Variants in CECR2 observed in about 807,000 individuals in gnomAD.
The protein encoded by CECR2 is chromatin remodeling regulator CECR2.
In CECR2, 30 loss-of-function variants were observed where a neutral mutation model predicts 154.5. The ratio of observed to expected loss-of-function variants is 0.19; its 90% CI spans 0.15 to 0.26. The LOEUF (loss-of-function observed/expected upper bound fraction) is 0.26, where lower values mean the gene tolerates loss of function less well. Among genes scored for constraint, CECR2 ranks in the 10% least tolerant of loss-of-function variants. CECR2 has a pLI of 1.00. For synonymous variants in CECR2, 725 were observed against 683.7 expected, an observed-to-expected ratio of 1.06 and a Z score of -0.94; for missense variants, 1,743 against 1,829.3, an observed-to-expected ratio of 0.95 and a Z score of 0.86.
At chr22:17,363,214 TA>T (rs200054950) in intron 1 of CECR2, among the ~76,000 whole-genome samples, 3 of 150,086 alleles carry the variant, frequency 2.0e-5, no homozygotes, top group Non-Finnish European at 4.4e-5. Flanking sequence ...CACACCTGGC[TA>T]ATTTTTTTTT....
rs751805976 is a variant in CECR2, at chr22:17,540,647, G to T, written c.1731G>T (p.Leu577Phe). ...CCATGGAGAATGGAGGAAAGTCGTT[G>T]CCCCCCACACGCCGAGCGCCCTCTT... ...QQPMENGGKSLPPTRRAPSSG... is the reference protein window; with the variant it reads ...QQPMENGGKSFPPTRRAPSSG... Residue 577 changes from leucine (L) to phenylalanine (F), a missense_variant, in exon 14 of 19, where the codon TTG becomes TTT. By Grantham distance (22) the Leu-to-Phe change is conservative (BLOSUM62 0). Coordinates refer to ENST00000262608, the MANE Select transcript of CECR2 (RefSeq NM_001290047.2). 1.9e-6 allele frequency: 3 copies of T among 1,613,874 alleles called. No individual in the cohort carries two copies. The highest frequency in any genetic ancestry group is 3.3e-5 in the Admixed American group (2 of 59,998).
intron 1 of CECR2, among the ~76,000 whole-genome samples, chr22:17,434,946 G>A (rs757877739): frequency 1.5e-4 from 23 of 152,218 alleles, no homozygotes; most frequent in Non-Finnish European, 2.4e-4. Flanking sequence ...GTTGAAGTAC[G>A]AGCTAACCTG....
At chr22:17,428,354 C>G (rs1022208782) in intron 1 of CECR2, 1 of 151,930 alleles carries the variant, frequency 6.6e-6, no homozygotes, top group Non-Finnish European at 1.5e-5. Flanking sequence ...GATCCTAGAT[C>G]CATTATTTTT....
intron 5 of CECR2, among the ~76,000 whole-genome samples, chr22:17,502,417 A>G (rs1173712554): frequency 1.3e-5 from 2 of 152,212 alleles, no homozygotes; most frequent in Non-Finnish European, 2.9e-5. Context: ...TAACAGTTGC[A>G]TCTCTCTCTT....
At chr22:17,457,461 C>A (rs943045897) in intron 1 of CECR2, among the ~76,000 whole-genome samples, 1 of 152,160 alleles carries the variant, frequency 6.6e-6, no homozygotes, top group African/African-American at 2.4e-5. Flanking sequence ...TAATAAAATT[C>A]TATCATTTTG....
At chr22:17,520,826 TCATTGATGTC>T (rs1272080528) in intron 8 of CECR2, among the ~76,000 whole-genome samples, 1 of 152,184 alleles carries the variant, frequency 6.6e-6, no homozygotes, top group Non-Finnish European at 1.5e-5. Context: ...TTCCAGTCTA[TCATTGATGTC>T]CATTGATGGA....
intron 8 of CECR2, among the ~76,000 whole-genome samples, chr22:17,514,930 G>A (rs1465704856): frequency 6.6e-6 from 1 of 151,828 alleles, no homozygotes; most frequent in Non-Finnish European, 1.5e-5. Flanking sequence ...CTACTTGGGA[G>A]GAGAATGGCG....
intron 1 of CECR2, among the ~76,000 whole-genome samples, chr22:17,474,612 C>T (rs1248543261): frequency 6.6e-6 from 1 of 152,192 alleles, no homozygotes; most frequent in Non-Finnish European, 1.5e-5. Context: ...ACCTAGGCAG[C>T]GCTGGTGAAA....
intron 13 of CECR2, among the ~76,000 whole-genome samples, chr22:17,539,978 T>A (rs2056496570): frequency 6.6e-6 from 1 of 152,190 alleles, no homozygotes; most frequent in Non-Finnish European, 1.5e-5. Context: ...ACTATCGGCA[T>A]GTGCGACCAT....
chr22:17,362,291 G>C (rs7291052), intron 1 of CECR2, among the ~76,000 whole-genome samples: 5,578 of 152,140 alleles, frequency 0.037, 347 homozygotes, highest in African/African-American at 0.13. Context: ...TGATCCACCT[G>C]CCTCGGCCTC....
intron 1 of CECR2, among the ~76,000 whole-genome samples, chr22:17,416,242 T>C (rs1221063371): frequency 6.6e-6 from 1 of 152,252 alleles, no homozygotes; most frequent in Non-Finnish European, 1.5e-5. Context: ...CAGTGATTTA[T>C]ATTTATCACT....
chr22:17,518,857 C>A (rs1181251965), intron 8 of CECR2: 2 of 257,468 alleles, frequency 7.8e-6, no homozygotes, highest in African/African-American at 2.3e-5. Flanking sequence ...GAGTTTTTAC[C>A]TCTCCTTTCT....
chr22:17,533,822 T>C (rs964173032), intron 9 of CECR2, among the ~76,000 whole-genome samples: 3 of 151,636 alleles, frequency 2.0e-5, no homozygotes, highest in Non-Finnish European at 4.4e-5. Context: ...GTTCAAGCAA[T>C]TCTCCTGCCT....
At position 17,530,162 on chromosome 22, in the gene CECR2, C is replaced by T. The variant is rs575233044; in HGVS notation, c.1108+5891C>T. Among the ~76,000 whole-genome samples, 6 of 148,330 alleles carry T rather than the reference C, an allele frequency of 4.0e-5. No individual in the cohort carries two copies. In the South Asian group the frequency reaches 1.3e-3, roughly 31 times the overall value. ...GCTGATGGTCACTCATCTTGGAGTT[C>T]CCTGAATTTTTTTTTTTTTTCAAAA... On this transcript the variant is annotated intron_variant, in intron 9 of 18. Coordinates refer to ENST00000262608, the MANE Select transcript of CECR2 (RefSeq NM_001290047.2).
chr22:17,459,997 T>C (rs966058639), intron 1 of CECR2, among the ~76,000 whole-genome samples: 7 of 152,322 alleles, frequency 4.6e-5, no homozygotes, highest in East Asian at 1.9e-4. Context: ...TCTACTCCAT[T>C]GATCTATTTC....
chr22:17,457,991 A>C (rs2054880015), intron 1 of CECR2, among the ~76,000 whole-genome samples: 1 of 152,236 alleles, frequency 6.6e-6, no homozygotes, highest in African/African-American at 2.4e-5. Context: ...AGTGGTTGCC[A>C]AGGATTAGAG....
intron 1 of CECR2, among the ~76,000 whole-genome samples, chr22:17,407,121 T>C (rs1415581127): frequency 6.6e-6 from 1 of 152,222 alleles, no homozygotes; most frequent in African/African-American, 2.4e-5. Flanking sequence ...ATACCAATAC[T>C]TTCTTTGGAT....
chr22:17,375,960 TA>T (rs879827682), intron 1 of CECR2, among the ~76,000 whole-genome samples: 1,663 of 134,208 alleles, frequency 0.012, 20 homozygotes, highest in African/African-American at 0.033. Context: ...GACTCTTATC[TA>T]AAAAAAAAAA....
At chr22:17,403,178 G>GT (rs1308490634) in intron 1 of CECR2, among the ~76,000 whole-genome samples, 2 of 152,172 alleles carry the variant, frequency 1.3e-5, no homozygotes, top group East Asian at 3.8e-4. Context: ...ATCTAATACT[G>GT]TTTACTTAGC....
Sources: allele counts gnomAD v4.1 joint callset (sites outside exome capture counted in the v4.1 genomes callset), GRCh38; gene constraint gnomAD v4.1.1; transcripts MANE v1.5; gene names NCBI Gene and HGNC (gene_info 2026-07-23, HGNC 2026-07-21).